The following SLC8A1 variants were observed in gnomAD, a reference collection of about 807,000 sequenced individuals.
SLC8A1 encodes sodium/calcium exchanger 1.
A neutral mutation model predicts 68.3 loss-of-function variants in SLC8A1; 18 were observed. The observed-to-expected ratio is 0.26, with a 90% CI of 0.18 to 0.39. The LOEUF is 0.39. Among genes scored for constraint, SLC8A1 ranks in the 10% least tolerant of loss-of-function variants. The probability of loss-of-function intolerance (pLI) is 1.00; values close to 1 mark genes in which losing one functional copy is unlikely to be tolerated. For missense variants in SLC8A1, 985 were observed against 1,156.7 expected (o/e 0.85, Z 2.15); for synonymous variants, 475 against 415.5 (o/e 1.14, Z -1.74).
At chr2:40,388,442 T>G (rs980514361) in intron 2 of SLC8A1, among the ~76,000 whole-genome samples, 3 of 152,154 alleles carry the variant, frequency 2.0e-5, no homozygotes, top group Admixed American at 6.6e-5. Context: ...GAGAAAATAC[T>G]GAAGAGCATC....
chr2:40,162,010 T>G (rs2045773897), intron 5 of SLC8A1, among the ~76,000 whole-genome samples: 1 of 152,196 alleles, frequency 6.6e-6, no homozygotes, highest in South Asian at 2.1e-4. Context: ...ATATCAAGCA[T>G]GTTTGCTCAA....
chr2:40,284,633 G>C (rs889066540), intron 2 of SLC8A1, among the ~76,000 whole-genome samples: 2 of 142,810 alleles, frequency 1.4e-5, no homozygotes, highest in African/African-American at 5.2e-5. Context: ...AAAGCTTTTG[G>C]GGAAAAACAT....
chr2:40,360,215 A>G (rs1043727961), intron 2 of SLC8A1, among the ~76,000 whole-genome samples: 1 of 152,166 alleles, frequency 6.6e-6, no homozygotes, highest in African/African-American at 2.4e-5. Context: ...AATGCCCAGC[A>G]CACTGTCCAG....
At chr2:40,216,732 T>C (rs1002699178) in intron 2 of SLC8A1, among the ~76,000 whole-genome samples, 1 of 152,248 alleles carries the variant, frequency 6.6e-6, no homozygotes, top group African/African-American at 2.4e-5. Flanking sequence ...GTGGTTTTGA[T>C]TTGCATTTCT....
chr2:40,357,906 C>T (rs1462707099), intron 2 of SLC8A1, among the ~76,000 whole-genome samples: 23 of 151,950 alleles, frequency 1.5e-4, no homozygotes, highest in Admixed American at 1.5e-3. Context: ...GCTAGGAAGA[C>T]AGATCATTGT....
chr2:40,296,786 C>G (rs892126954), intron 2 of SLC8A1, among the ~76,000 whole-genome samples: 3 of 152,178 alleles, frequency 2.0e-5, no homozygotes, highest in Non-Finnish European at 1.5e-5. Context: ...TTGCCATGAG[C>G]TATCTTTGCT....
chr2:40,266,615 G>A (rs2065386561), intron 2 of SLC8A1, among the ~76,000 whole-genome samples: 1 of 152,086 alleles, frequency 6.6e-6, no homozygotes, highest in Admixed American at 6.6e-5. Context: ...TTTTCCCAAG[G>A]AAACAGTTAA....
intron 2 of SLC8A1, among the ~76,000 whole-genome samples, chr2:40,257,077 A>C (rs755876609): frequency 2.6e-5 from 4 of 152,172 alleles, no homozygotes; most frequent in Non-Finnish European, 2.9e-5. Flanking sequence ...ACAAATATAC[A>C]TATCTGTGTA....
intron 2 of SLC8A1, among the ~76,000 whole-genome samples, chr2:40,222,689 C>G (rs1284165519): frequency 1.3e-5 from 2 of 151,804 alleles, no homozygotes; most frequent in African/African-American, 4.8e-5. Flanking sequence ...AAAAACAGCC[C>G]CATCAAAAAG....
intron 2 of SLC8A1, among the ~76,000 whole-genome samples, chr2:40,294,123 C>A (rs942734472): frequency 1.3e-5 from 2 of 152,116 alleles, no homozygotes; most frequent in East Asian, 3.9e-4. Flanking sequence ...GACAAGGAGA[C>A]TATTATGTGT....
chr2:40,314,556 T>C (rs2074187304), intron 2 of SLC8A1, among the ~76,000 whole-genome samples: 1 of 152,026 alleles, frequency 6.6e-6, no homozygotes, highest in African/African-American at 2.4e-5. Flanking sequence ...ATTGGGATTT[T>C]CACTGGAATT....
intron 7 of SLC8A1, among the ~76,000 whole-genome samples, chr2:40,127,008 T>C (rs1435527804): frequency 2.0e-5 from 3 of 152,208 alleles, no homozygotes; most frequent in Non-Finnish European, 2.9e-5. Flanking sequence ...TTTGTTTTAA[T>C]TTTTTAAATG....
chr2:40,224,253 G>A (rs1219418496), intron 2 of SLC8A1, among the ~76,000 whole-genome samples: 1 of 152,038 alleles, frequency 6.6e-6, no homozygotes, highest in Non-Finnish European at 1.5e-5. Context: ...GCATCCTGGG[G>A]AGGTCTGAAA....
intron 1 of SLC8A1, among the ~76,000 whole-genome samples, chr2:40,486,095 A>C (rs931782204): frequency 6.6e-6 from 1 of 152,148 alleles, no homozygotes; most frequent in Non-Finnish European, 1.5e-5. Flanking sequence ...GTGAGTTCTC[A>C]TGAGAACTGA....
In SLC8A1 at chr2:40,432,401, T is replaced by TTGTGTGTGTGTGTGTGTGTGTGTG. The variant is rs112824729; in HGVS notation, c.-24-2098_-24-2097insCACACACACACACACACACACACA. ...TATAGAGGACAAGGAGAGTGTGAGA[T>TTGTGTGTGTGTGTGTGTGTGTGTG]TGTGTGTGTGTGTGTGTGTGTGTAT... On this transcript the variant is annotated intron_variant, in intron 1 of 7. Coordinates refer to ENST00000406785, the Ensembl canonical transcript of SLC8A1. Among the ~76,000 whole-genome samples the TTGTGTGTGTGTGTGTGTGTGTGTG allele has an allele frequency of 2.6e-3, 335 of 128,810 alleles. 3 individuals carry two copies. The highest frequency in any genetic ancestry group is 0.011 in the Middle Eastern group (3 of 266). The allele number at this position is 128,810 out of a possible 152,430, so 84.5% of individuals were successfully genotyped here.
At chr2:40,203,487 A>G (rs1196430979) in intron 2 of SLC8A1, among the ~76,000 whole-genome samples, 7 of 151,960 alleles carry the variant, frequency 4.6e-5, no homozygotes, top group Non-Finnish European at 1.0e-4. Flanking sequence ...CTCCCAAATC[A>G]TTGGTCTGAA....
intron 2 of SLC8A1, among the ~76,000 whole-genome samples, chr2:40,308,113 C>G (rs762945269): frequency 2.0e-4 from 30 of 152,160 alleles, no homozygotes; most frequent in Non-Finnish European, 2.1e-4. Context: ...GCCCAATATA[C>G]AGACTACTAG....
intron 2 of SLC8A1, among the ~76,000 whole-genome samples, chr2:40,212,788 T>A (rs2056839000): frequency 6.6e-6 from 1 of 152,256 alleles, no homozygotes; most frequent in African/African-American, 2.4e-5. Context: ...GGCAGAGTAT[T>A]GCTTGAACTC....
chr2:40,195,924 A>C (rs1166113399), intron 2 of SLC8A1: 1 of 152,058 alleles, frequency 6.6e-6, no homozygotes, highest in Non-Finnish European at 1.5e-5. Flanking sequence ...TTGTAATAAT[A>C]TCACTGGTAA....
Sources: allele counts gnomAD v4.1 joint callset (sites outside exome capture counted in the v4.1 genomes callset), GRCh38; gene constraint gnomAD v4.1.1; transcripts MANE v1.5; gene names NCBI Gene and HGNC (gene_info 2026-07-23, HGNC 2026-07-21).